Variants in ITGA11 observed in about 807,000 individuals in gnomAD.
The protein encoded by ITGA11 is integrin alpha-11.
ITGA11 carries 97 observed loss-of-function variants against 141.9 expected under a neutral mutation model. The ratio of observed to expected loss-of-function variants is 0.68; its 90% CI spans 0.58 to 0.81. The LOEUF is 0.81. Among genes scored for constraint, ITGA11 ranks in the 30% least tolerant of loss-of-function variants. The pLI is 0.00. For synonymous variants in ITGA11, 658 were observed against 624.6 expected (o/e 1.05, Z -0.80); for missense variants, 1,387 against 1,559.2 (o/e 0.89, Z 1.86).
chr15:68,377,994 G>T (rs1032007857), intron 2 of ITGA11, among the ~76,000 whole-genome samples: 1 of 152,228 alleles, frequency 6.6e-6, no homozygotes, highest in African/African-American at 2.4e-5. Context: ...CTCTAGACCT[G>T]CCTTTCTGAT....
intron 26 of ITGA11, among the ~76,000 whole-genome samples, chr15:68,310,362 A>C (rs1342909383): frequency 6.6e-6 from 1 of 152,184 alleles, no homozygotes; most frequent in African/African-American, 2.4e-5. Context: ...CACTACCCTC[A>C]GTAAGTGCTT....
intron 1 of ITGA11, among the ~76,000 whole-genome samples, chr15:68,427,280 T>C (rs575952578): frequency 6.6e-5 from 10 of 152,332 alleles, no homozygotes; most frequent in African/African-American, 1.7e-4. Flanking sequence ...TGAGGGCTTA[T>C]TGGGTGCCAG....
chr15:68,317,842 T>C (rs1282854187), intron 20 of ITGA11, among the ~76,000 whole-genome samples: 1 of 152,190 alleles, frequency 6.6e-6, no homozygotes, highest in East Asian at 1.9e-4. Flanking sequence ...CATGGCTGTG[T>C]ATGTCTCTGG....
intron 2 of ITGA11, among the ~76,000 whole-genome samples, chr15:68,384,871 G>GT (rs58634646): frequency 0.083 from 12,563 of 152,260 alleles, 789 homozygotes; most frequent in African/African-American, 0.17. Context: ...AACCAAGGCT[G>GT]CCCCAGGCCT....
At position 68,361,606 on chromosome 15, in the gene ITGA11, C is replaced by G; in HGVS notation, c.456G>C (p.Val152=). 6.2e-7 allele frequency: 1 copy of G among 1,606,002 alleles called. No individual in the cohort carries two copies. Among genetic ancestry groups the G allele is most frequent in the Non-Finnish European group, 8.5e-7 (1 of 1,176,108 alleles). The change falls in exon 5 of 30, where the codon GTG becomes GTC. Residue 152 remains valine, a synonymous_variant. Coordinates refer to ENST00000315757, the MANE Select transcript of ITGA11 (RefSeq NM_001004439.2). ...GCCACTTACTTTGGAGAGCTGGGGCCACGGTCTTGGAGAACCTGAAGTTGG... is the reference window on the plus strand; with the variant it reads ...GCCACTTACTTTGGAGAGCTGGGGCGACGGTCTTGGAGAACCTGAAGTTGG... The part of the protein sequence containing the change: ...VNSNFRFSKT[V]APALQRCQTY...
intron 22 of ITGA11, among the ~76,000 whole-genome samples, chr15:68,314,718 G>T (rs1893510189): frequency 6.6e-6 from 1 of 152,202 alleles, no homozygotes; most frequent in African/African-American, 2.4e-5. Flanking sequence ...GAGAGCAAGG[G>T]AGGCCTTGCC....
In ITGA11 at chr15:68,335,748, G is replaced by A; in HGVS notation, c.1374C>T (p.Thr458=). ...TGGTGAGGCTCCGGTTGTTGTGCAT[G>A]GTGAACAGGATGACCTTGCCCGTGT... ...FNHTGKVILF[T]MHNNRSLTIH... is the part of the protein sequence containing the mutation. Residue 458 remains threonine, a synonymous_variant, in exon 12 of 30, where the codon ACC becomes ACT. Transcript: ENST00000315757. The surrounding 1 kb of genome is among the most constrained non-coding windows in gnomAD (Gnocchi z 4.9). 8 of 1,613,882 alleles carry A rather than the reference G, an allele frequency of 5.0e-6. No individual in the cohort carries two copies. Among genetic ancestry groups the A allele is most frequent in the Non-Finnish European group, 6.8e-6 (8 of 1,179,854 alleles).
chr15:68,374,547 G>C (rs1367089291), intron 2 of ITGA11, among the ~76,000 whole-genome samples: 1 of 152,238 alleles, frequency 6.6e-6, no homozygotes, highest in Non-Finnish European at 1.5e-5. Flanking sequence ...AAGCCATGGA[G>C]GGCAGAAAGC....
intron 1 of ITGA11, among the ~76,000 whole-genome samples, chr15:68,420,267 C>T (rs1896985576): frequency 6.6e-6 from 1 of 152,118 alleles, no homozygotes; most frequent in Non-Finnish European, 1.5e-5. Flanking sequence ...CTAGGAAGTC[C>T]CATTATATAA....
intron 8 of ITGA11, 135 bp from the exon 9 acceptor site, chr15:68,350,917 C>T (rs1413811893): frequency 4.7e-6 from 4 of 855,358 alleles, no homozygotes; most frequent in Non-Finnish European, 7.3e-6. Flanking sequence ...CCTCGCAATG[C>T]CATTTGCATT....
At chr15:68,400,603 AT>A (rs1213824580) in intron 2 of ITGA11, among the ~76,000 whole-genome samples, 16 of 101,326 alleles carry the variant, frequency 1.6e-4, no homozygotes, top group Non-Finnish European at 3.0e-4. Context: ...ATTATATATT[AT>A]AATATATAAT....
chr15:68,377,895 C>T (rs1008852900), intron 2 of ITGA11, among the ~76,000 whole-genome samples: 6 of 152,206 alleles, frequency 3.9e-5, no homozygotes, highest in African/African-American at 1.4e-4. Context: ...ACACCTGGAG[C>T]CACTGTCCTC....
At position 68,332,446 on chromosome 15, in the gene ITGA11, C is replaced by T. The variant is rs781718171; in HGVS notation, c.1458G>A (p.Ser486=). The T allele has an allele frequency of 9.4e-5, 151 of 1,612,126 alleles. No homozygotes were observed. In the East Asian group the frequency reaches 1.4e-3, roughly 15 times the overall value. ...IGSYFGSEIT[S]VDIDGDGVTD... Reference sequence around the variant, plus strand: ...TCACGCCGTCGCCGTCGATGTCCACCGAGGTGATTTCACTCCCAAAGTAAG... The same window carrying T: ...TCACGCCGTCGCCGTCGATGTCCACTGAGGTGATTTCACTCCCAAAGTAAG... Residue 486 remains serine, a synonymous_variant, in exon 13 of 30, where the codon TCG becomes TCA. Coordinates refer to ENST00000315757, the MANE Select transcript of ITGA11 (RefSeq NM_001004439.2).
At chr15:68,390,557 C>G (rs1037568353) in intron 2 of ITGA11, among the ~76,000 whole-genome samples, 1 of 152,114 alleles carries the variant, frequency 6.6e-6, no homozygotes, top group African/African-American at 2.4e-5. Context: ...CCTGGCCTCC[C>G]CCACAGCCCC....
At position 68,314,137 on chromosome 15, in the gene ITGA11, G is replaced by A. The variant is rs191486351; in HGVS notation, c.2793-269C>T. 6.0e-3 allele frequency among the ~76,000 whole-genome samples: 915 copies of A among 152,286 alleles called. 5 individuals carry two copies. Among genetic ancestry groups the A allele is most frequent in the African/African-American group, 0.018 (759 of 41,554 alleles). ...GGGAGGCCTGTGCCTGGCCTGGCAC[G>A]GACTGGACCCCAGCCTGTTTGCCTC... On this transcript the variant is annotated intron_variant, in intron 22 of 29. Coordinates refer to ENST00000315757, the MANE Select transcript of ITGA11 (RefSeq NM_001004439.2).
chr15:68,351,255 T>C lies in ITGA11; in HGVS notation c.894+3A>G. The C allele has an allele frequency of 6.2e-7, 1 of 1,613,860 alleles. No homozygotes were observed. Among genetic ancestry groups the C allele is most frequent in the Non-Finnish European group, 8.5e-7 (1 of 1,179,834 alleles). Reference sequence around the variant, plus strand: ...AGCAGCCCTTGGGCGGGCCAGGACTTACGGCCACCGCATATCTTGTTACGT... The same window carrying C: ...AGCAGCCCTTGGGCGGGCCAGGACTCACGGCCACCGCATATCTTGTTACGT... On this transcript the variant is annotated splice_donor_region_variant and intron_variant, in intron 8 of 29. Transcript: ENST00000315757.
At position 68,308,725 on chromosome 15, in the gene ITGA11, G is replaced by A. The variant is rs1448060848; in HGVS notation, c.3175-1029C>T. On this transcript the variant is annotated intron_variant, in intron 26 of 29. Transcript: ENST00000315757. The surrounding 1 kb of genome is among the most constrained non-coding windows in gnomAD (Gnocchi z 5.2). ...GCCACTGCACTCCAGCTGGGTGACCGAGCCAGACTCTGTCTCAAAAGAAAA... is the reference window on the plus strand; with the variant it reads ...GCCACTGCACTCCAGCTGGGTGACCAAGCCAGACTCTGTCTCAAAAGAAAA... Among the ~76,000 whole-genome samples the A allele has an allele frequency of 4.8e-5, 7 of 144,594 alleles. No homozygotes were observed. The highest frequency in any genetic ancestry group is 7.0e-5 in the Admixed American group (1 of 14,382). The allele number at this position is 144,594 out of a possible 152,430, so 94.9% of individuals were successfully genotyped here. A position where few individuals can be genotyped will look rare whatever the true frequency, so the allele number is the denominator to read the frequency against.
At position 68,328,974 on chromosome 15, in the gene ITGA11, C is replaced by T. The variant is rs192090976; in HGVS notation, c.1902-712G>A. On this transcript the variant is annotated intron_variant, in intron 15 of 29. Coordinates refer to ENST00000315757, the MANE Select transcript of ITGA11 (RefSeq NM_001004439.2). This position sits in a 1 kb window ranked among gnomAD's most constrained non-coding sequence, Gnocchi z 4.8. ...GGCCTAAGTCAAATGTAATTAGGAA[C>T]GGAAACCTATTGCCTCTCCCAACCA... 1.3e-5 allele frequency among the ~76,000 whole-genome samples: 2 copies of T among 152,236 alleles called. No individual in the cohort carries two copies. The highest frequency in any genetic ancestry group is 2.1e-4 in the South Asian group (1 of 4,812).
chr15:68,341,005 T>TC (rs769468358), intron 10 of ITGA11, among the ~76,000 whole-genome samples: 3 of 152,168 alleles, frequency 2.0e-5, no homozygotes, highest in Non-Finnish European at 4.4e-5. Flanking sequence ...CACGGAGCCT[T>TC]CCCTGAGCCC....
Sources: gnomAD v4.1 joint callset for allele counts (sites outside exome capture counted in the v4.1 genomes callset) on GRCh38, gnomAD v4.1.1 for gene constraint, Gnocchi (gnomAD v3.1) non-coding constraint, MANE v1.5 for transcripts, NCBI Gene and HGNC (gene_info 2026-07-23, HGNC 2026-07-21) for gene names.